The following NDE1 variants were observed in gnomAD, a reference collection of about 807,000 sequenced individuals.
NDE1 encodes nuclear distribution protein nudE homolog 1.
NDE1 carries 28 observed loss-of-function variants against 43.4 expected under a neutral mutation model. The ratio of observed to expected loss-of-function variants is 0.65; its 90% CI spans 0.48 to 0.89. The LOEUF (loss-of-function observed/expected upper bound fraction) is 0.89. NDE1 is among the 40% of genes least tolerant of loss of function. NDE1 has a pLI of 0.00. For missense variants in NDE1, 441 were observed against 434.1 expected, an observed-to-expected ratio of 1.02 and a Z score of -0.14; for synonymous variants, 184 against 172.0, an observed-to-expected ratio of 1.07 and a Z score of -0.55.
Position 15,715,086 on chromosome 16 carries a change from C to G in NDE1, c.948-9105C>G, listed in dbSNP as rs201028938. ...CCTGGCATTGCCTTTCTCTGCCTGT[C>G]GCGGAGAGTTGGAGGGGTGGTTAGG... On this transcript the variant is annotated intron_variant, in intron 8 of 8. Coordinates refer to ENST00000396354, the MANE Select transcript of NDE1 (RefSeq NM_017668.3). The G allele has an allele frequency of 1.9e-6, 3 of 1,612,278 alleles. No homozygotes were observed. The highest frequency in any genetic ancestry group is 2.5e-6 in the Non-Finnish European group (3 of 1,179,920).
chr16:15,705,426 G>A (rs527519429), intron 8 of NDE1, among the ~76,000 whole-genome samples: 2 of 152,050 alleles, frequency 1.3e-5, no homozygotes, highest in Admixed American at 6.5e-5. Context: ...CTTTGGGTAG[G>A]AGGAAGAGAG....
intron 4 of NDE1, among the ~76,000 whole-genome samples, chr16:15,681,486 A>G (rs913756658): frequency 1.3e-5 from 2 of 151,652 alleles, no homozygotes; most frequent in Admixed American, 1.3e-4. Context: ...GCTGGTCTCA[A>G]AGTCCTGGAC....
intron 1 of NDE1, among the ~76,000 whole-genome samples, chr16:15,662,238 C>T (rs1260473992): frequency 6.6e-6 from 1 of 150,528 alleles, no homozygotes; most frequent in East Asian, 1.9e-4. Context: ...TGTACCTGGC[C>T]TATTCTCACT....
rs752854220 is a variant in NDE1, at chr16:15,724,215, G to A, written c.972G>A (p.Leu324=). The A allele has an allele frequency of 5.6e-6, 9 of 1,614,042 alleles. No homozygotes were observed. The highest frequency in any genetic ancestry group is 1.3e-5 in the African/African-American group (1 of 74,936). ...GGTTGGACACGAGTTGCCGCTGGTTGTCCAAATCAACAACCAGGTCGTCCA... is the reference window on the plus strand; with the variant it reads ...GGTTGGACACGAGTTGCCGCTGGTTATCCAAATCAACAACCAGGTCGTCCA... The part of the protein sequence containing the change: ...DKGLDTSCRW[L]SKSTTRSSSS... The change falls in exon 9 of 9, where the codon TTG becomes TTA. Residue 324 remains leucine (L), a synonymous_variant. Transcript: ENST00000396354.
chr16:15,656,185 G>C (rs1196880867), intron 1 of NDE1, among the ~76,000 whole-genome samples: 1 of 151,926 alleles, frequency 6.6e-6, no homozygotes, highest in Non-Finnish European at 1.5e-5. Context: ...GTGAAGTGCA[G>C]CTGTTACTTC....
chr16:15,719,291 C>T, intron 8 of NDE1: 1 of 1,612,176 alleles, frequency 6.2e-7, no homozygotes, highest in Non-Finnish European at 8.5e-7. Context: ...TGCGAGCCCT[C>T]TCAGCGGCGG....
chr16:15,657,346 G>A (rs932186064), intron 1 of NDE1, among the ~76,000 whole-genome samples: 1 of 152,000 alleles, frequency 6.6e-6, no homozygotes, highest in South Asian at 2.1e-4. Context: ...TGAACCACCC[G>A]CCTTGGCTTC....
intron 8 of NDE1, chr16:15,718,619 G>C: frequency 1.1e-6 from 1 of 919,384 alleles, no homozygotes; most frequent in Admixed American, 2.8e-5. Flanking sequence ...CCGGGACTCA[G>C]GCCGGGTCCG....
chr16:15,668,238 T>C (rs2037416410), intron 3 of NDE1, among the ~76,000 whole-genome samples: 1 of 152,154 alleles, frequency 6.6e-6, no homozygotes, highest in Admixed American at 6.6e-5. Context: ...GGTACACGCC[T>C]ATAGTCCCAG....
intron 4 of NDE1, among the ~76,000 whole-genome samples, chr16:15,679,050 C>G (rs1245225804): frequency 6.6e-6 from 1 of 152,078 alleles, no homozygotes; most frequent in Admixed American, 6.6e-5. Flanking sequence ...GCACTCCAGC[C>G]TGGGTGACAG....
Position 15,725,583 on chromosome 16 carries a change from C to CA in NDE1, c.*1333dup. ...CTTTGAGGCTGTTAGCCTACCCCTC[C>CA]ATCTCTTCCATTGACAAGGAGGATA... On this transcript the variant is annotated 3_prime_UTR_variant, in exon 9 of 9. Coordinates refer to ENST00000396354, the MANE Select transcript of NDE1 (RefSeq NM_017668.3). The CA allele has an allele frequency of 2.5e-6, 1 of 406,962 alleles. No homozygotes were observed. Among genetic ancestry groups the CA allele is most frequent in the Non-Finnish European group, 4.3e-6 (1 of 230,350 alleles). 25.2% of individuals were successfully genotyped at this position (406,962 alleles called of 1,614,324 possible).
intron 8 of NDE1, among the ~76,000 whole-genome samples, chr16:15,697,330 A>G (rs955495605): frequency 6.6e-6 from 1 of 152,126 alleles, no homozygotes. Flanking sequence ...GGTGTGGGCT[A>G]CCATGCCTGG....
chr16:15,682,224 C>T (rs951241002), intron 4 of NDE1, among the ~76,000 whole-genome samples: 1 of 152,194 alleles, frequency 6.6e-6, no homozygotes, highest in Non-Finnish European at 1.5e-5. Flanking sequence ...CAAGGTCTCT[C>T]TCTGTCGCCC....
At chr16:15,669,995 C>A (rs1166093013) in intron 3 of NDE1, among the ~76,000 whole-genome samples, 1 of 152,174 alleles carries the variant, frequency 6.6e-6, no homozygotes, top group Non-Finnish European at 1.5e-5. Context: ...CAACACCGTG[C>A]CCCAGAGACT....
chr16:15,723,024 G>A (rs11641598), intron 8 of NDE1, among the ~76,000 whole-genome samples: 17,522 of 152,154 alleles, frequency 0.12, 1,364 homozygotes, highest in Non-Finnish European at 0.16. Context: ...GATTACAGGC[G>A]TGAGCCACCG....
intron 4 of NDE1, among the ~76,000 whole-genome samples, chr16:15,678,859 G>A (rs1414178873): frequency 3.3e-5 from 5 of 152,052 alleles, no homozygotes; most frequent in African/African-American, 4.8e-5. Flanking sequence ...GGCGGATCAC[G>A]AGGTCAGGAG....
At chr16:15,710,010 G>A (rs2039688505) in intron 8 of NDE1, among the ~76,000 whole-genome samples, 1 of 152,190 alleles carries the variant, frequency 6.6e-6, no homozygotes, top group South Asian at 2.1e-4. Flanking sequence ...GAGGAGCCAG[G>A]CATGCTTACC....
At chr16:15,699,217 A>T (rs2039137537) in intron 8 of NDE1, among the ~76,000 whole-genome samples, 1 of 142,830 alleles carries the variant, frequency 7.0e-6, no homozygotes, top group African/African-American at 2.6e-5. Context: ...TCCCACCTTG[A>T]CCTCCCAAGT....
intron 8 of NDE1, chr16:15,717,568 G>A: frequency 1.7e-6 from 1 of 599,972 alleles, no homozygotes; most frequent in Middle Eastern, 4.4e-4. Context: ...GCAGAGGCAG[G>A]TAAATCACTT....
Sources: allele counts gnomAD v4.1 joint callset (sites outside exome capture counted in the v4.1 genomes callset), GRCh38; gene constraint gnomAD v4.1.1; transcripts MANE v1.5; gene names NCBI Gene and HGNC (gene_info 2026-07-23, HGNC 2026-07-21).